Variants in DNER observed in about 807,000 individuals in gnomAD.
DNER encodes delta/notch like EGF repeat containing, also known as delta and Notch-like epidermal growth factor-related receptor.
DNER carries 33 observed loss-of-function variants against 78.2 expected under a neutral mutation model. The observed-to-expected ratio is 0.42, with a 90% CI of 0.32 to 0.56. The LOEUF (loss-of-function observed/expected upper bound fraction) is 0.56. DNER is among the 20% of genes least tolerant of loss of function. The pLI is 0.11. For missense variants in DNER, 918 were observed against 975.3 expected (o/e 0.94, Z 0.78); for synonymous variants, 417 against 384.8 (o/e 1.08, Z -0.98).
intron 1 of DNER, among the ~76,000 whole-genome samples, chr2:229,710,487 C>T (rs1699893187): frequency 6.6e-6 from 1 of 152,174 alleles, no homozygotes; most frequent in Admixed American, 6.5e-5. Context: ...GGGACAGCAC[C>T]CAGCTCATAG....
At chr2:229,590,624 C>T (rs1266959034) in intron 2 of DNER, among the ~76,000 whole-genome samples, 1 of 152,046 alleles carries the variant, frequency 6.6e-6, no homozygotes, top group Non-Finnish European at 1.5e-5. Context: ...AGATTAGTGC[C>T]CTTGTAAAAG....
At chr2:229,370,715 G>A (rs113921299) in intron 11 of DNER, among the ~76,000 whole-genome samples, 2,488 of 152,250 alleles carry the variant, frequency 0.016, 69 homozygotes, top group African/African-American at 0.057. Flanking sequence ...ACTCAGCAGA[G>A]TATGTTATAA....
At chr2:229,370,379 T>G (rs1213775650) in intron 11 of DNER, among the ~76,000 whole-genome samples, 1 of 152,176 alleles carries the variant, frequency 6.6e-6, no homozygotes, top group Non-Finnish European at 1.5e-5. Flanking sequence ...GTCATTTGAG[T>G]CTGCCTGCCT....
intron 5 of DNER, among the ~76,000 whole-genome samples, chr2:229,517,647 G>A (rs113836499): frequency 2.6e-4 from 40 of 152,310 alleles, no homozygotes; most frequent in Admixed American, 5.9e-4. Flanking sequence ...GTCACTGGGC[G>A]TGCCGTCAAA....
At chr2:229,492,384 G>A (rs754615496) in intron 6 of DNER, among the ~76,000 whole-genome samples, 9 of 152,268 alleles carry the variant, frequency 5.9e-5, no homozygotes, top group Non-Finnish European at 1.2e-4. Flanking sequence ...GAGAAGGGAT[G>A]AATGACACAG....
chr2:229,585,754 G>T (rs949758079), intron 4 of DNER, 104 bp downstream of exon 4: 29 of 1,183,096 alleles, frequency 2.5e-5, no homozygotes, highest in Non-Finnish European at 3.4e-5. Context: ...TTGATGGATA[G>T]AATTCAGATT....
intron 10 of DNER, 132 bp from the exon 11 acceptor site, chr2:229,388,528 A>T (rs1158836732): frequency 9.1e-7 from 1 of 1,094,096 alleles, no homozygotes; most frequent in Non-Finnish European, 1.2e-6. Context: ...CTGTTTGTAT[A>T]AAGTGCAGAA....
chr2:229,706,653 C>A (rs573368192), intron 1 of DNER, among the ~76,000 whole-genome samples: 11 of 152,336 alleles, frequency 7.2e-5, no homozygotes, highest in Admixed American at 2.6e-4. Context: ...CAGCCACAGA[C>A]AACACTTACG....
chr2:229,415,065 G>C (rs1348264039), intron 9 of DNER, among the ~76,000 whole-genome samples: 1 of 152,170 alleles, frequency 6.6e-6, no homozygotes, highest in Admixed American at 6.5e-5. Flanking sequence ...AGGAGGCTGA[G>C]GCAGGAGAAT....
chr2:229,366,734 C>T, intron 12 of DNER, 139 bp downstream of exon 12: 2 of 1,325,310 alleles, frequency 1.5e-6, no homozygotes, highest in Non-Finnish European at 2.1e-6. Flanking sequence ...AATGATCTAT[C>T]CCCAAATACA....
chr2:229,554,468 G>C (rs1313549527), intron 4 of DNER, among the ~76,000 whole-genome samples: 1 of 152,186 alleles, frequency 6.6e-6, no homozygotes, highest in Admixed American at 6.5e-5. Flanking sequence ...AAGGTGGGCA[G>C]ATCACTTGAG....
intron 1 of DNER, among the ~76,000 whole-genome samples, chr2:229,604,195 A>G (rs1697888849): frequency 6.6e-6 from 1 of 152,224 alleles, no homozygotes; most frequent in African/African-American, 2.4e-5. Context: ...CTCCAAAGAC[A>G]GGGACTCCAA....
At chr2:229,659,749 A>G (rs922947016) in intron 1 of DNER, among the ~76,000 whole-genome samples, 3 of 152,182 alleles carry the variant, frequency 2.0e-5, no homozygotes, top group Non-Finnish European at 2.9e-5. Flanking sequence ...CCAAAATTTT[A>G]CTATTGTTTA....
Position 229,591,826 on chromosome 2 carries a change from G to A in DNER, c.339C>T (p.Ser113=). Residue 113 remains serine (S), a synonymous_variant, in exon 2 of 13, where the codon AGC becomes AGT. Coordinates refer to ENST00000341772, the MANE Select transcript of DNER (RefSeq NM_139072.4). This position sits in a 1 kb window ranked among gnomAD's most constrained non-coding sequence, Gnocchi z 4.6. The part of the protein sequence containing the change: ...CHHGNCSSSS[S]SSSDGYLCIC... ...TGCAGAGGTAGCCATCGCTGCTGCT[G>A]CTGCTGCTGCTGCTGCAGTTGCCAT... 2.5e-6 allele frequency: 4 copies of A among 1,602,842 alleles called. No individual in the cohort carries two copies. Among genetic ancestry groups the A allele is most frequent in the Non-Finnish European group, 3.4e-6 (4 of 1,178,838 alleles).
At chr2:229,518,649 G>C (rs550059401) in intron 5 of DNER, among the ~76,000 whole-genome samples, 1 of 152,286 alleles carries the variant, frequency 6.6e-6, no homozygotes, top group Admixed American at 6.5e-5. Flanking sequence ...TCAGAAAACT[G>C]AATCAGAAAA....
At chr2:229,508,175 C>T (rs1040290897) in intron 6 of DNER, among the ~76,000 whole-genome samples, 2 of 152,130 alleles carry the variant, frequency 1.3e-5, no homozygotes, top group Admixed American at 6.5e-5. Flanking sequence ...CTACCAAATG[C>T]TGAAGAAGAT....
At chr2:229,588,279 C>T (rs2154214538) in intron 3 of DNER, 115 bp downstream of exon 3, 1 of 869,376 alleles carries the variant, frequency 1.2e-6, no homozygotes, top group East Asian at 2.6e-5. Flanking sequence ...CCCGTGGAAT[C>T]TGTTCACGAT....
At chr2:229,549,907 T>C (rs958893771) in intron 4 of DNER, among the ~76,000 whole-genome samples, 15 of 151,642 alleles carry the variant, frequency 9.9e-5, no homozygotes, top group Admixed American at 7.2e-4. Flanking sequence ...TGAGACTCTG[T>C]CTCAAAATAA....
chr2:229,541,970 A>C (rs1466875747), intron 5 of DNER, among the ~76,000 whole-genome samples: 1 of 146,578 alleles, frequency 6.8e-6, no homozygotes, highest in South Asian at 2.1e-4. Context: ...TTATATATTA[A>C]TTATATACAA....
Sources: gnomAD v4.1 joint callset for allele counts (sites outside exome capture counted in the v4.1 genomes callset) on GRCh38, gnomAD v4.1.1 for gene constraint, Gnocchi (gnomAD v3.1) non-coding constraint, MANE v1.5 for transcripts, NCBI Gene and HGNC (gene_info 2026-07-23, HGNC 2026-07-21) for gene names.